Variants in ZNF200 observed in about 807,000 individuals in gnomAD.
ZNF200 encodes zinc finger protein 200.
In ZNF200, 35 loss-of-function variants were observed where a neutral mutation model predicts 33.6. The ratio of observed to expected loss-of-function variants is 1.04; its 90% CI spans 0.80 to 1.38. The LOEUF is 1.38. Ranked by LOEUF, ZNF200 falls within the 40% of genes most tolerant of loss-of-function variation. The pLI is 0.00. For synonymous variants in ZNF200, 209 were observed against 167.7 expected (o/e 1.25, Z -1.90); for missense variants, 592 against 470.6 (o/e 1.26, Z -2.39).
intron 4 of ZNF200, 105 bp downstream of exon 4, chr16:3,232,316 C>T: frequency 7.8e-7 from 1 of 1,275,244 alleles, no homozygotes; most frequent in South Asian, 1.4e-5. Flanking sequence ...TGTGTGTGTG[C>T]ACATAGGCTT....
chr16:3,230,187 G>A (rs1014640477), intron 4 of ZNF200, among the ~76,000 whole-genome samples: 13 of 152,326 alleles, frequency 8.5e-5, no homozygotes, highest in Non-Finnish European at 1.8e-4. Flanking sequence ...CTCACCAGAA[G>A]CAGACGCTGA....
At chr16:3,224,649 A>C in intron 4 of ZNF200, 36 bp from the exon 5 acceptor site, 1 of 1,541,222 alleles carries the variant, frequency 6.5e-7, no homozygotes, top group Admixed American at 2.0e-5. Context: ...CTTCTGAGAG[A>C]TATCACAACA....
At chr16:3,229,146 T>C (rs1958563392) in intron 4 of ZNF200, among the ~76,000 whole-genome samples, 1 of 152,166 alleles carries the variant, frequency 6.6e-6, no homozygotes, top group African/African-American at 2.4e-5. Flanking sequence ...TATATGTAAA[T>C]GCTACACCAT....
In ZNF200 at chr16:3,224,094, A is replaced by T; in HGVS notation, c.986T>A (p.Ile329Asn). The change falls in exon 5 of 5, where the codon ATC becomes AAC. Residue 329 changes from isoleucine (I) to asparagine (N), a missense_variant. Transcript: ENST00000414144. ...CTTAAATATCTTCTCCCTTATATGG[A>T]TTCCTTCATGACGACTCCGATGAGA... Reference protein sequence around the residue: ...QNSHRSRHEGIHIREKIFKCP... With the variant: ...QNSHRSRHEGNHIREKIFKCP... 1 of 1,614,122 alleles carries T rather than the reference A, an allele frequency of 6.2e-7. No individual in the cohort carries two copies.
chr16:3,229,821 G>A (rs922626428), intron 4 of ZNF200, among the ~76,000 whole-genome samples: 13 of 151,530 alleles, frequency 8.6e-5, no homozygotes, highest in Non-Finnish European at 1.6e-4. Context: ...AGCCAAGATC[G>A]CACCACTGCA....
intron 4 of ZNF200, 133 bp from the exon 5 acceptor site, chr16:3,224,746 C>G (rs948353861): frequency 8.9e-7 from 1 of 1,123,584 alleles, no homozygotes. Context: ...CCGTCGCACT[C>G]CTTTTCCATA....
At chr16:3,225,439 G>A (rs1958442014) in intron 4 of ZNF200, 1 of 152,222 alleles carries the variant, frequency 6.6e-6, no homozygotes, top group South Asian at 2.1e-4. Flanking sequence ...GAGCGAATCT[G>A]TCTCAAAACA....
chr16:3,224,451 G>A lies in ZNF200; in HGVS notation c.629C>T (p.Pro210Leu). ...CAGATTTCTCATTTTCCTTTTTTGT[G>A]GAATGGATGTATTTAGTCGTTCCTT... ...QEKERLNTSIPQKRKMRNLLV... is the reference protein window; with the variant it reads ...QEKERLNTSILQKRKMRNLLV... Residue 210 changes from proline (P) to leucine (L), a missense_variant, in exon 5 of 5, where the codon CCA becomes CTA. Physicochemically the swap from Pro to Leu is moderately conservative, Grantham distance 98 (BLOSUM62 -3). Transcript: ENST00000414144. 1 of 1,614,040 alleles carries A rather than the reference G, an allele frequency of 6.2e-7. No individual in the cohort carries two copies. The highest frequency in any genetic ancestry group is 8.5e-7 in the Non-Finnish European group (1 of 1,180,000).
chr16:3,230,895 C>T (rs1455993178), intron 4 of ZNF200, among the ~76,000 whole-genome samples: 5 of 152,180 alleles, frequency 3.3e-5, no homozygotes, highest in Non-Finnish European at 5.9e-5. Context: ...CTCAGTCTTG[C>T]GATAGCTCAT....
intron 4 of ZNF200, chr16:3,227,481 A>C (rs943387650): frequency 6.6e-6 from 1 of 152,230 alleles, no homozygotes; most frequent in Non-Finnish European, 1.5e-5. Context: ...CTTTTATCAA[A>C]AAGTCCCCCT....
At chr16:3,232,658 T>C (rs1958666969) in intron 3 of ZNF200, 111 bp from the exon 4 acceptor site, 10 of 1,513,472 alleles carry the variant, frequency 6.6e-6, no homozygotes, top group Non-Finnish European at 7.1e-6. Flanking sequence ...AAGAGGGACC[T>C]ATAAATCCCA....
At position 3,223,923 on chromosome 16, in the gene ZNF200, T is replaced by C. The variant is rs774425080; in HGVS notation, c.1157A>G (p.His386Arg). 2 of 1,613,614 alleles carry C rather than the reference T, an allele frequency of 1.2e-6. No individual in the cohort carries two copies. The highest frequency in any genetic ancestry group is 1.7e-6 in the Non-Finnish European group (2 of 1,179,788). Residue 386 changes from histidine to arginine, a missense_variant, in exon 5 of 5, where the codon CAC becomes CGC. By Grantham distance (29) the His-to-Arg change is conservative. Transcript: ENST00000414144. ...CTGCTTTCGGGTCTTACAGGCTGAGTGGGTTTTCTCATGCCGGGTACAGTT... is the reference window on the plus strand; with the variant it reads ...CTGCTTTCGGGTCTTACAGGCTGAGCGGGTTTTCTCATGCCGGGTACAGTT... ...LSNCTRHEKT[H>R]SACKTRKQK
intron 4 of ZNF200, 52 bp downstream of exon 4, chr16:3,232,369 A>G (rs2141642880): frequency 1.3e-6 from 2 of 1,591,812 alleles, no homozygotes; most frequent in South Asian, 1.1e-5. Context: ...GATGAAGGAC[A>G]TGCTTTTCCC....
rs1555456172 is a variant in ZNF200, at chr16:3,224,074, A to ATATT, written c.1005_1006insAATA (p.Phe336AsnfsTer3). 1.9e-6 allele frequency: 3 copies of ATATT among 1,614,128 alleles called. No individual in the cohort carries two copies. Among genetic ancestry groups the ATATT allele is most frequent in the Non-Finnish European group, 2.5e-6 (3 of 1,180,028 alleles). The stretch of plus-strand genomic sequence containing the variant: ...GTTTTCCCACATTCTGGACACTTAA[A>ATATT]TATCTTCTCCCTTATATGGATTCCT... On this transcript the variant is annotated frameshift_variant, in exon 5 of 5. Coordinates refer to ENST00000414144, the MANE Select transcript of ZNF200 (RefSeq NM_198088.3). LOFTEE classifies it high-confidence loss of function.
rs1194996311 is a variant in ZNF200, at chr16:3,223,042, G to C, written c.*850C>G. On this transcript the variant is annotated 3_prime_UTR_variant, in exon 5 of 5. Transcript: ENST00000414144. ...GTTGACCCTTCCTCTCTGGGTCTTG[G>C]GGTTTCCTTCGTAGCACATGAGATC... 6.6e-6 allele frequency: 1 copy of C among 152,202 alleles called. No homozygotes were observed. Among genetic ancestry groups the C allele is most frequent in the East Asian group, 1.9e-4 (1 of 5,194 alleles). The allele number at this position is 152,202 out of a possible 1,614,324, so 9.4% of individuals were successfully genotyped here.
intron 4 of ZNF200, among the ~76,000 whole-genome samples, chr16:3,230,729 G>A (rs1958613750): frequency 1.3e-5 from 2 of 152,098 alleles, no homozygotes; most frequent in South Asian, 4.1e-4. Flanking sequence ...CCTATAAATT[G>A]ATGGCTCCCC....
intron 1 of ZNF200, 77 bp from the exon 2 acceptor site, chr16:3,233,913 T>A: frequency 8.6e-7 from 1 of 1,161,452 alleles, no homozygotes; most frequent in Non-Finnish European, 1.2e-6. Flanking sequence ...GCATGGCTGG[T>A]GAGGCTACAT....
In ZNF200 at chr16:3,233,733, G is replaced by A; in HGVS notation, c.23C>T (p.Pro8Leu). 1 of 1,612,434 alleles carries A rather than the reference G, an allele frequency of 6.2e-7. No homozygotes were observed. Among genetic ancestry groups the A allele is most frequent in the Non-Finnish European group, 8.5e-7 (1 of 1,179,368 alleles). The change falls in exon 2 of 5, where the codon CCT becomes CTT. Residue 8 changes from proline to leucine, a missense_variant. By Grantham distance (98) the Pro-to-Leu change is moderately conservative (BLOSUM62 -3). Coordinates refer to ENST00000414144, the MANE Select transcript of ZNF200 (RefSeq NM_198088.3). MMAAKVV[P>L]MPPKPKQSFI... ...GGACTGCTTTGGCTTTGGGGGCATA[G>A]GAACCACTTTTGCAGCCATCATGCC...
In ZNF200 at chr16:3,233,629, G is replaced by A. The variant is rs147509937; in HGVS notation, c.127C>T (p.His43Tyr). The change falls in exon 2 of 5, where the codon CAC becomes TAC. Residue 43 changes from histidine (H) to tyrosine (Y), a missense_variant. Transcript: ENST00000414144. ...RDATNGPKTI[H>Y]QLVLEHFLTF... ...AGGAAGTGCTCCAGCACTAGCTGGTGGATGGTCTTGGGCCCGTTAGTGGCA... is the reference window on the plus strand; with the variant it reads ...AGGAAGTGCTCCAGCACTAGCTGGTAGATGGTCTTGGGCCCGTTAGTGGCA... The A allele has an allele frequency of 4.3e-6, 7 of 1,613,834 alleles. No individual in the cohort carries two copies. The Admixed American group carries it at 1.2e-4, about 27-fold the overall frequency.
Sources: allele counts gnomAD v4.1 joint callset (sites outside exome capture counted in the v4.1 genomes callset), GRCh38; gene constraint gnomAD v4.1.1; transcripts MANE v1.5; gene names NCBI Gene and HGNC (gene_info 2026-07-23, HGNC 2026-07-21).